Variants in AKAP13 observed in about 807,000 individuals in gnomAD.
AKAP13 encodes A-kinase anchor protein 13.
Under a neutral mutation model 264.5 loss-of-function variants are expected in AKAP13, and 80 were observed. That is an observed-to-expected ratio of 0.30 (90% CI 0.25 to 0.36). The LOEUF (loss-of-function observed/expected upper bound fraction) is 0.36, where lower values mean the gene tolerates loss of function less well. Among genes scored for constraint, AKAP13 ranks in the 10% least tolerant of loss-of-function variants. AKAP13 has a pLI of 1.00. For synonymous variants in AKAP13, 1,380 were observed against 1,250.2 expected, an observed-to-expected ratio of 1.10 and a Z score of -2.19; for missense variants, 3,712 against 3,435.2, an observed-to-expected ratio of 1.08 and a Z score of -2.01.
chr15:85,545,038 T>C (rs1211824370), intron 5 of AKAP13, among the ~76,000 whole-genome samples: 1 of 152,226 alleles, frequency 6.6e-6, no homozygotes, highest in African/African-American at 2.4e-5. Flanking sequence ...CCCATCACGC[T>C]AGACAGACAG....
intron 2 of AKAP13, among the ~76,000 whole-genome samples, chr15:85,507,766 C>G (rs538082713): frequency 1.9e-4 from 29 of 152,318 alleles, no homozygotes; most frequent in Middle Eastern, 3.4e-3. Context: ...CTGACATCCC[C>G]AAAGCAGCGG....
chr15:85,527,118 A>G (rs935620703), intron 3 of AKAP13, among the ~76,000 whole-genome samples: 1 of 151,354 alleles, frequency 6.6e-6, no homozygotes, highest in Admixed American at 6.6e-5. Flanking sequence ...GCCCGCCACC[A>G]CGCCCGGCTA....
intron 8 of AKAP13, among the ~76,000 whole-genome samples, chr15:85,618,337 T>C (rs763450677): frequency 3.9e-5 from 6 of 152,206 alleles, no homozygotes; most frequent in Non-Finnish European, 8.8e-5. Flanking sequence ...ATGTAGGTGT[T>C]AAATCTCTCC....
chr15:85,464,968 C>A (rs1436045189), intron 1 of AKAP13, among the ~76,000 whole-genome samples: 1 of 151,980 alleles, frequency 6.6e-6, no homozygotes, highest in African/African-American at 2.4e-5. Flanking sequence ...TGAGATGGAG[C>A]CTTGCTCTGT....
At chr15:85,388,171 G>T (rs11635783) in intron 1 of AKAP13, among the ~76,000 whole-genome samples, 38,614 of 151,592 alleles carry the variant, frequency 0.25, 6,572 homozygotes, top group Non-Finnish European at 0.38. Context: ...AAGTAGCTGG[G>T]ATTACAGGTG....
At chr15:85,498,643 G>A (rs1401680779) in intron 2 of AKAP13, among the ~76,000 whole-genome samples, 1 of 152,094 alleles carries the variant, frequency 6.6e-6, no homozygotes, top group Non-Finnish European at 1.5e-5. Context: ...CTTTGGCACT[G>A]AACTCTATTT....
intron 1 of AKAP13, among the ~76,000 whole-genome samples, chr15:85,482,849 C>G (rs1002362888): frequency 2.6e-5 from 4 of 152,170 alleles, no homozygotes; most frequent in African/African-American, 9.7e-5. Context: ...ATTTACCAGT[C>G]TGTTTCTGGA....
intron 17 of AKAP13, among the ~76,000 whole-genome samples, chr15:85,701,768 A>T (rs2085929218): frequency 6.6e-6 from 1 of 152,050 alleles, no homozygotes; most frequent in African/African-American, 2.4e-5. Flanking sequence ...ACTGAAAAGT[A>T]TCAGACAGCA....
intron 5 of AKAP13, among the ~76,000 whole-genome samples, chr15:85,546,516 G>A (rs2077750982): frequency 6.6e-6 from 1 of 152,132 alleles, no homozygotes; most frequent in African/African-American, 2.4e-5. Context: ...AGATAACAAG[G>A]TGGTATGACC....
At chr15:85,644,649 A>T (rs1402877453) in intron 9 of AKAP13, among the ~76,000 whole-genome samples, 1 of 144,160 alleles carries the variant, frequency 6.9e-6, no homozygotes, top group African/African-American at 2.6e-5. Flanking sequence ...GGAGATGGAG[A>T]TCATCCTGGC....
intron 6 of AKAP13, among the ~76,000 whole-genome samples, 163 bp downstream of exon 6, chr15:85,575,492 G>A (rs1337403600): frequency 6.6e-6 from 1 of 152,144 alleles, no homozygotes; most frequent in Non-Finnish European, 1.5e-5. Context: ...AGGAGATGGA[G>A]ACCATCCTGG....
At chr15:85,663,578 A>C (rs1040312195) in intron 12 of AKAP13, among the ~76,000 whole-genome samples, 1 of 152,214 alleles carries the variant, frequency 6.6e-6, no homozygotes, top group Admixed American at 6.5e-5. Flanking sequence ...CCTTGAGTGG[A>C]GGTAACTAAG....
At chr15:85,413,375 A>C (rs1371553989) in intron 1 of AKAP13, among the ~76,000 whole-genome samples, 1 of 152,208 alleles carries the variant, frequency 6.6e-6, no homozygotes, top group Non-Finnish European at 1.5e-5. Flanking sequence ...GAGATTTTTC[A>C]GGATGGCTGT....
At chr15:85,641,213 G>A (rs57389664) in intron 9 of AKAP13, among the ~76,000 whole-genome samples, 18,717 of 151,730 alleles carry the variant, frequency 0.12, 1,902 homozygotes, top group East Asian at 0.35. Context: ...TGGGGAGGCC[G>A]AGGCGGGCAG....
In AKAP13 at chr15:85,718,091, G is replaced by A. The variant is rs201590654; in HGVS notation, c.5933G>A (p.Arg1978Gln). 137 of 1,614,094 alleles carry A rather than the reference G, an allele frequency of 8.5e-5. No homozygotes were observed. In the South Asian group the frequency reaches 1.1e-3, roughly 13 times the overall value. The change falls in exon 22 of 37, where the codon CGG (arginine) becomes CAG (glutamine). Residue 1978 changes from arginine to glutamine, a missense_variant. Arg to Gln is a conservative substitution (Grantham distance 43, BLOSUM62 1). Coordinates refer to ENST00000394518, the MANE Select transcript of AKAP13 (RefSeq NM_007200.5). The surrounding 1 kb of genome is among the most constrained non-coding windows in gnomAD (Gnocchi z 4.9). ...SKQLEAESWSRIIDSKFLKQQ... is the reference protein window; with the variant it reads ...SKQLEAESWSQIIDSKFLKQQ... ...CAGCTGGAAGCAGAGTCTTGGAGTC[G>A]GATAATAGACAGCAAGTTTCTAAAA...
chr15:85,712,626 A>T (rs1161685829), intron 19 of AKAP13, among the ~76,000 whole-genome samples: 1 of 151,704 alleles, frequency 6.6e-6, no homozygotes, highest in Non-Finnish European at 1.5e-5. Context: ...TCACTGCAAC[A>T]TCCGCCTTCT....
chr15:85,593,509 A>C (rs1379240248), intron 8 of AKAP13, among the ~76,000 whole-genome samples: 1 of 151,290 alleles, frequency 6.6e-6, no homozygotes, highest in Non-Finnish European at 1.5e-5. Flanking sequence ...GCAGGATTAC[A>C]GGTGTGAGCC....
At chr15:85,466,994 C>G (rs1325749236) in intron 1 of AKAP13, among the ~76,000 whole-genome samples, 1 of 151,680 alleles carries the variant, frequency 6.6e-6, no homozygotes, top group Non-Finnish European at 1.5e-5. Context: ...CCATTATATC[C>G]TAGGTTTGTT....
At chr15:85,572,769 A>G (rs1030690877) in intron 5 of AKAP13, among the ~76,000 whole-genome samples, 1 of 152,170 alleles carries the variant, frequency 6.6e-6, no homozygotes, top group Non-Finnish European at 1.5e-5. Flanking sequence ...TGCTGCACCC[A>G]TCAACCCATC....
Sources: gnomAD v4.1 joint callset for allele counts (sites outside exome capture counted in the v4.1 genomes callset) on GRCh38, gnomAD v4.1.1 for gene constraint, Gnocchi (gnomAD v3.1) non-coding constraint, MANE v1.5 for transcripts, NCBI Gene and HGNC (gene_info 2026-07-23, HGNC 2026-07-21) for gene names.